ZNF211: variants seen among roughly 807,000 people sequenced by gnomAD.
ZNF211 encodes zinc finger protein C2H2-25.
Under a neutral mutation model 12.1 loss-of-function variants are expected in ZNF211, and 18 were observed. That is an observed-to-expected ratio of 1.48 (90% confidence interval 1.03 to 2.20). The LOEUF is 2.20. ZNF211 is among the 30% of genes most tolerant of loss of function. The pLI, the probability that ZNF211 is intolerant of heterozygous loss-of-function variation, is 0.00. For synonymous variants in ZNF211, 249 were observed against 246.0 expected (o/e 1.01, Z -0.11); for missense variants, 677 against 703.1 (o/e 0.96, Z 0.42).
intron 1 of ZNF211, 130 bp downstream of exon 1, chr19:57,633,566 A>G: frequency 6.6e-7 from 1 of 1,504,258 alleles, no homozygotes; most frequent in Non-Finnish European, 8.8e-7. Flanking sequence ...TATTTCTGAC[A>G]TCCGATGTGG....
chr19:57,635,696 T>C (rs1274073903), intron 3 of ZNF211, among the ~76,000 whole-genome samples: 2 of 152,224 alleles, frequency 1.3e-5, no homozygotes, highest in Non-Finnish European at 2.9e-5. Context: ...ACTGTGAACA[T>C]GGGTGTACAG....
rs1983110474 is a variant in ZNF211 at position 57,642,508 on chromosome 19, C to G, written c.*327C>G. ...CAAGGAAGCAGACCTCTGCTTCTCCCCATTTGCTAGAAGAAATCATGAATA... is the reference window on the plus strand; with the variant it reads ...CAAGGAAGCAGACCTCTGCTTCTCCGCATTTGCTAGAAGAAATCATGAATA... On this transcript the variant is annotated 3_prime_UTR_variant, in exon 4 of 4. Coordinates refer to ENST00000240731, the MANE Select transcript of ZNF211 (RefSeq NM_006385.5). 4.3e-6 allele frequency: 1 copy of G among 234,306 alleles called. No homozygotes were observed. The highest frequency in any genetic ancestry group is 8.4e-6 in the Non-Finnish European group (1 of 118,952). 14.5% of individuals were successfully genotyped at this position (234,306 alleles called of 1,614,324 possible). A position where few individuals can be genotyped will look rare whatever the true frequency, so the allele number is the denominator to read the frequency against.
rs189992107 is a variant in ZNF211, at chr19:57,643,707, A to G, written c.*1526A>G. ...CATCATTATAATTATTACAATGAAC[A>G]TATCAGTCACCTCGGATTTACCTCA... On this transcript the variant is annotated 3_prime_UTR_variant, in exon 4 of 4. Transcript: ENST00000240731. Among the ~76,000 whole-genome samples the G allele has an allele frequency of 5.9e-5, 9 of 152,294 alleles. No homozygotes were observed. Among genetic ancestry groups the G allele is most frequent in the Admixed American group, 4.6e-4 (7 of 15,298 alleles).
chr19:57,634,484 T>A, intron 2 of ZNF211, 145 bp from the exon 3 acceptor site: 1 of 944,250 alleles, frequency 1.1e-6, no homozygotes, highest in Non-Finnish European at 1.5e-6. Flanking sequence ...CTAATGGGAA[T>A]GTGAAGAGAC....
At chr19:57,636,317 T>C (rs1210716197) in intron 3 of ZNF211, among the ~76,000 whole-genome samples, 1 of 152,198 alleles carries the variant, frequency 6.6e-6, no homozygotes, top group African/African-American at 2.4e-5. Flanking sequence ...CATTAACAAG[T>C]CCAATGTCAT....
chr19:57,633,628 A>G, intron 1 of ZNF211, 192 bp downstream of exon 1: 1 of 1,533,202 alleles, frequency 6.5e-7, no homozygotes, highest in Admixed American at 2.0e-5. Context: ...TGGACGGGCA[A>G]CCGAGAAGGG....
In ZNF211 at chr19:57,640,770, C is replaced by T; in HGVS notation, c.323C>T (p.Pro108Leu). 1 of 1,614,160 alleles carries T rather than the reference C, an allele frequency of 6.2e-7. No individual in the cohort carries two copies. The highest frequency in any genetic ancestry group is 8.5e-7 in the Non-Finnish European group (1 of 1,180,020). The change falls in exon 4 of 4, where the codon CCA becomes CTA. Residue 108 changes from proline (P) to leucine (L), a missense_variant. Transcript: ENST00000240731. Reference protein sequence around the residue: ...SEQRISGERVPQFRTSKEGSS... With the variant: ...SEQRISGERVLQFRTSKEGSS... Reference sequence around the variant, plus strand: ...CAGAGAATTTCTGGAGAAAGAGTGCCACAGTTCAGGACTTCCAAAGAAGGT... The same window carrying T: ...CAGAGAATTTCTGGAGAAAGAGTGCTACAGTTCAGGACTTCCAAAGAAGGT...
At position 57,643,642 on chromosome 19, in the gene ZNF211, T is replaced by TA. The variant is rs1477419884; in HGVS notation, c.*1463dup. ...CTCCAAGGTCATCAGGAAAGAGAGT[T>TA]AATGTAGGGTTACCAAACCTAGTCA... On this transcript the variant is annotated 3_prime_UTR_variant, in exon 4 of 4. Transcript: ENST00000240731. Among the ~76,000 whole-genome samples the TA allele has an allele frequency of 6.6e-6, 1 of 152,174 alleles. No individual in the cohort carries two copies. The highest frequency in any genetic ancestry group is 2.4e-5 in the African/African-American group (1 of 41,432).
chr19:57,639,739 A>C (rs546335946), intron 3 of ZNF211, among the ~76,000 whole-genome samples: 1 of 152,032 alleles, frequency 6.6e-6, no homozygotes, highest in East Asian at 1.9e-4. Flanking sequence ...TGTATACTTC[A>C]TGTAGCTCTT....
rs779436160 is a variant in ZNF211 at position 57,642,121 on chromosome 19, C to CT, written c.1677dup (p.Gly560TrpfsTer31). ...ATCAGTGCAGTCAATGTGGGAAATCCTTTGGCTGCAAATCTGTCCTCATTC... is the reference window on the plus strand; with the variant it reads ...ATCAGTGCAGTCAATGTGGGAAATCCTTTTGGCTGCAAATCTGTCCTCATTC... On this transcript the variant is annotated frameshift_variant, in exon 4 of 4. Transcript: ENST00000240731. LOFTEE classifies it low-confidence loss of function (END_TRUNC). 24 of 1,613,950 alleles carry CT rather than the reference C, an allele frequency of 1.5e-5. No individual in the cohort carries two copies. The highest frequency in any genetic ancestry group is 5.0e-5 in the Admixed American group (3 of 60,014).
rs138354433 is a variant in ZNF211 at position 57,641,103 on chromosome 19, C to G, written c.656C>G (p.Thr219Ser). ...ANMRFLHQDA[T>S]QTGEKPNNSN... ...ATGAGGTTTCTCCATCAAGACGCCA[C>G]TCAAACAGGGGAGAAGCCAAATAAC... Residue 219 changes from threonine to serine, a missense_variant, in exon 4 of 4, where the codon ACT becomes AGT. Thr to Ser is a moderately conservative substitution (Grantham distance 58). Coordinates refer to ENST00000240731, the MANE Select transcript of ZNF211 (RefSeq NM_006385.5). 2 of 1,614,180 alleles carry G rather than the reference C, an allele frequency of 1.2e-6. No individual in the cohort carries two copies.
chr19:57,641,173 C>G lies in ZNF211; in HGVS notation c.726C>G (p.His242Gln), dbSNP rs766605263. ...AVAFYSGKSH[H>Q]NWGKCSKAFS... is the part of the protein sequence containing the mutation. ...CCTTTTACAGTGGAAAAAGTCATCA[C>G]AACTGGGGAAAATGCAGTAAAGCCT... The change falls in exon 4 of 4, where the codon CAC becomes CAG. Residue 242 changes from histidine (H) to glutamine (Q), a missense_variant. By Grantham distance (24) the His-to-Gln change is conservative. Coordinates refer to ENST00000240731, the MANE Select transcript of ZNF211 (RefSeq NM_006385.5). 3 of 1,614,076 alleles carry G rather than the reference C, an allele frequency of 1.9e-6. No individual in the cohort carries two copies. In the African/African-American group the frequency reaches 4.0e-5, roughly 22 times the overall value.
At position 57,642,288 on chromosome 19, in the gene ZNF211, A is replaced by G. The variant is rs1044985; in HGVS notation, c.*107A>G. On this transcript the variant is annotated 3_prime_UTR_variant, in exon 4 of 4. Coordinates refer to ENST00000240731, the MANE Select transcript of ZNF211 (RefSeq NM_006385.5). The stretch of plus-strand genomic sequence containing the variant: ...GAAGCCCCAACATCTAAGGATATAC[A>G]GTGGGCGGATTCCCCTTAAGTTCCA... The G allele has an allele frequency of 0.12, 147,108 of 1,264,744 alleles. 9,063 individuals carry two copies. Among genetic ancestry groups the G allele is most frequent in the East Asian group, 0.24 (10,485 of 42,822 alleles). 78.3% of individuals were successfully genotyped at this position (1,264,744 alleles called of 1,614,324 possible).
At chr19:57,633,680 CAA>C (rs1486302607) in intron 1 of ZNF211, 2 of 1,533,932 alleles carry the variant, frequency 1.3e-6, no homozygotes, top group East Asian at 4.9e-5. Flanking sequence ...CTGCAGGGAA[CAA>C]AGTTTGAGAG....
intron 3 of ZNF211, among the ~76,000 whole-genome samples, chr19:57,635,143 C>T (rs1228363126): frequency 6.6e-6 from 1 of 152,208 alleles, no homozygotes; most frequent in Non-Finnish European, 1.5e-5. Flanking sequence ...AACCACCAAC[C>T]TTTCCATTAA....
chr19:57,635,206 T>A (rs1189392776), intron 3 of ZNF211, among the ~76,000 whole-genome samples: 3 of 152,254 alleles, frequency 2.0e-5, no homozygotes. Flanking sequence ...AGACTGTTCT[T>A]ATAGAAACCT....
At chr19:57,639,736 T>G (rs539163036) in intron 3 of ZNF211, among the ~76,000 whole-genome samples, 1 of 152,076 alleles carries the variant, frequency 6.6e-6, no homozygotes, top group African/African-American at 2.4e-5. Flanking sequence ...CTTTGTATAC[T>G]TCATGTAGCT....
At position 57,641,896 on chromosome 19, in the gene ZNF211, C is replaced by T. The variant is rs777981401; in HGVS notation, c.1449C>T (p.Asn483=). The T allele has an allele frequency of 6.2e-7, 1 of 1,614,024 alleles. No homozygotes were observed. The highest frequency in any genetic ancestry group is 8.5e-7 in the Non-Finnish European group (1 of 1,179,994). The change falls in exon 4 of 4, where the codon AAC becomes AAT. Residue 483 remains asparagine (N), a synonymous_variant. Coordinates refer to ENST00000240731, the MANE Select transcript of ZNF211 (RefSeq NM_006385.5). ...TTAGCCATAGCTCCAACCTTAAGAA[C>T]CACCAGAGAGTTCACACTGGAGAAA... ...KSFSHSSNLK[N]HQRVHTGERP...
intron 1 of ZNF211, 35 bp from the exon 2 acceptor site, chr19:57,633,988 G>A (rs781005185): frequency 5.0e-6 from 8 of 1,597,072 alleles, no homozygotes; most frequent in Non-Finnish European, 6.8e-6. Flanking sequence ...GCACTGCCAT[G>A]ATCACATTCC....
Sources: gnomAD v4.1 joint callset for allele counts (sites outside exome capture counted in the v4.1 genomes callset) on GRCh38, gnomAD v4.1.1 for gene constraint, MANE v1.5 for transcripts, NCBI Gene and HGNC (gene_info 2026-07-23, HGNC 2026-07-21) for gene names.